TRPV3: variants seen among roughly 807,000 people sequenced by gnomAD.
The protein encoded by TRPV3 is VRL-3.
TRPV3 carries 88 observed loss-of-function variants against 87.1 expected under a neutral mutation model. That is an observed-to-expected ratio of 1.01 (90% confidence interval 0.85 to 1.21). TRPV3 has a LOEUF of 1.21. TRPV3 is among the 50% of genes most tolerant of loss of function. The probability of loss-of-function intolerance (pLI) is 0.00; values close to 1 mark genes in which losing one functional copy is unlikely to be tolerated. For synonymous variants in TRPV3, 438 were observed against 423.3 expected, an observed-to-expected ratio of 1.03 and a Z score of -0.43; for missense variants, 1,054 against 1,030.1, an observed-to-expected ratio of 1.02 and a Z score of -0.32.
At position 3,530,089 on chromosome 17, in the gene TRPV3, T is replaced by C. The variant is rs2074335373; in HGVS notation, c.1180A>G (p.Asn394Asp). 6.2e-7 allele frequency: 1 copy of C among 1,614,036 alleles called. No homozygotes were observed. Among genetic ancestry groups the C allele is most frequent in the Non-Finnish European group, 8.5e-7 (1 of 1,179,962 alleles). ...GAGTTGTCCGTGGTGGTGTCCACGT[T>C]GGTGAGGTCGTAGAGGGAGGATGAC... ...PVSSSLYDLT[N>D]VDTTTDNSVL... The change falls in exon 9 of 18, where the codon AAC becomes GAC. Residue 394 changes from asparagine (N) to aspartate (D), a missense_variant. Physicochemically the swap from Asn to Asp is conservative, Grantham distance 23. Transcript: ENST00000576742. The surrounding 1 kb of genome is among the most constrained non-coding windows in gnomAD (Gnocchi z 4.0).
intron 8 of TRPV3, among the ~76,000 whole-genome samples, chr17:3,532,445 G>T (rs1490654087): frequency 2.6e-5 from 4 of 152,272 alleles, no homozygotes; most frequent in African/African-American, 4.8e-5. Flanking sequence ...GAAGTCTAGA[G>T]AGTGGGCTGC....
At chr17:3,522,144 G>A (rs553669613) in intron 13 of TRPV3, among the ~76,000 whole-genome samples, 7 of 152,114 alleles carry the variant, frequency 4.6e-5, no homozygotes, top group East Asian at 1.9e-4. Flanking sequence ...ACTCATCCCC[G>A]TCCAGTTATT....
At chr17:3,539,997 C>A (rs1189247553) in intron 6 of TRPV3, among the ~76,000 whole-genome samples, 2 of 150,992 alleles carry the variant, frequency 1.3e-5, no homozygotes, top group South Asian at 2.1e-4. Flanking sequence ...ATCACCTGAA[C>A]CCGGGAGGCA....
chr17:3,527,712 T>C, intron 11 of TRPV3: 1 of 400,276 alleles, frequency 2.5e-6, no homozygotes. Flanking sequence ...GATGAATGAG[T>C]GGCTGGGTCC....
rs934772956 is a variant in TRPV3, at chr17:3,513,193, A to G, written c.*724T>C. On this transcript the variant is annotated 3_prime_UTR_variant, in exon 18 of 18. Coordinates refer to ENST00000576742, the MANE Select transcript of TRPV3 (RefSeq NM_145068.4). ...CTCCACTTTTAAAATCACAAACTTC[A>G]TTGTAGTAATTTTCATTCTCAACTG... 1.3e-5 allele frequency: 2 copies of G among 152,606 alleles called. No homozygotes were observed. The highest frequency in any genetic ancestry group is 6.5e-5 in the Admixed American group (1 of 15,280). The allele number at this position is 152,606 out of a possible 1,614,324, so 9.5% of individuals were successfully genotyped here. A position where few individuals can be genotyped will look rare whatever the true frequency, so the allele number is the denominator to read the frequency against.
At chr17:3,514,454 TG>T in intron 17 of TRPV3, 138 bp downstream of exon 17, 1 of 655,104 alleles carries the variant, frequency 1.5e-6, no homozygotes. Context: ...AAGTCAGAGC[TG>T]GAAGAGACCT....
In TRPV3 at chr17:3,551,867, A is replaced by ATTTTTTTTTT. The variant is rs2074577917; in HGVS notation, c.119+2864_119+2865insAAAAAAAAAA. On this transcript the variant is annotated intron_variant, in intron 2 of 17. Transcript: ENST00000576742. Reference sequence around the variant, plus strand: ...TGCCCTCTTTCTTCACCTGTAATTTATTCTTTTTTTTTTTTTTTTTTTTTT... The same window carrying ATTTTTTTTTT: ...TGCCCTCTTTCTTCACCTGTAATTTATTTTTTTTTTTTCTTTTTTTTTTTTTTTTTTTTTT... Among the ~76,000 whole-genome samples the ATTTTTTTTTT allele has an allele frequency of 2.9e-4, 7 of 23,998 alleles. 1 individual carries two copies. The highest frequency in any genetic ancestry group is 7.1e-4 in the Non-Finnish European group (6 of 8,394). 15.7% of individuals were successfully genotyped at this position (23,998 alleles called of 152,430 possible). A position where few individuals can be genotyped will look rare whatever the true frequency, so the allele number is the denominator to read the frequency against.
Position 3,536,647 on chromosome 17 carries a change from C to A in TRPV3, c.644-934G>T, listed in dbSNP as rs185224468. Among the ~76,000 whole-genome samples, 46 of 152,184 alleles carry A rather than the reference C, an allele frequency of 3.0e-4. No individual in the cohort carries two copies. In the East Asian group the frequency reaches 6.8e-3, roughly 22 times the overall value. On this transcript the variant is annotated intron_variant, in intron 6 of 17. Coordinates refer to ENST00000576742, the MANE Select transcript of TRPV3 (RefSeq NM_145068.4). ...GCCTGGACTAAGGGGAGTTGGAGGG[C>A]ACATGAAGGGTGGAGAAAGGAGGAA...
Position 3,530,285 on chromosome 17 carries a change from G to GTCCA in TRPV3, c.1066-83_1066-82insTGGA. The GTCCA allele has an allele frequency of 4.9e-6, 7 of 1,437,770 alleles. No individual in the cohort carries two copies. The highest frequency in any genetic ancestry group is 2.8e-5 in the South Asian group (2 of 71,222). The allele number at this position is 1,437,770 out of a possible 1,614,324, so 89.1% of individuals were successfully genotyped here. ...GGCTGGACCAGCCAGAGGCTGGCTG[G>GTCCA]GCCCAGGGGATACACCCGCCCAGAA... On this transcript the variant is annotated intron_variant, in intron 8 of 17. Transcript: ENST00000576742. This position sits in a 1 kb window ranked among gnomAD's most constrained non-coding sequence, Gnocchi z 4.0.
At chr17:3,554,553 A>G (rs983344044) in intron 2 of TRPV3, 179 bp downstream of exon 2, 28 of 550,460 alleles carry the variant, frequency 5.1e-5, no homozygotes, top group Non-Finnish European at 9.0e-5. Context: ...CAGCCCCCTG[A>G]GTGTGCTGTG....
Position 3,556,115 on chromosome 17 carries a change from T to C in TRPV3, c.-2-1263A>G, listed in dbSNP as rs1288093520. On this transcript the variant is annotated intron_variant, in intron 1 of 17. Coordinates refer to ENST00000576742, the MANE Select transcript of TRPV3 (RefSeq NM_145068.4). The surrounding 1 kb of genome is among the most constrained non-coding windows in gnomAD (Gnocchi z 4.2). The stretch of plus-strand genomic sequence containing the variant: ...TCACTTGAATCCAGGAGGCAGAGGT[T>C]GGATTGAGCCGAGATTGTGCCACTG... Among the ~76,000 whole-genome samples the C allele has an allele frequency of 6.7e-6, 1 of 149,718 alleles. No individual in the cohort carries two copies.
chr17:3,546,814 C>CA (rs35205703), intron 2 of TRPV3: 108,244 of 363,980 alleles, frequency 0.3, 17,763 homozygotes, highest in Non-Finnish European at 0.35. Flanking sequence ...ACTAAACATA[C>CA]AAAATTAGCT....
rs2074144644 is a variant in TRPV3 at position 3,513,825 on chromosome 17, TCCA to T, written c.*89_*91del. ...TGCTTCTAGGCCAGCAGAGCCGGAC[TCCA>T]CCATCCCTCAAAGCCTCTCTGCACA... On this transcript the variant is annotated 3_prime_UTR_variant, in exon 18 of 18. Coordinates refer to ENST00000576742, the MANE Select transcript of TRPV3 (RefSeq NM_145068.4). The T allele has an allele frequency of 6.4e-6, 7 of 1,099,656 alleles. No individual in the cohort carries two copies. Among genetic ancestry groups the T allele is most frequent in the Non-Finnish European group, 9.6e-6 (7 of 731,818 alleles). The allele number at this position is 1,099,656 out of a possible 1,614,324, so 68.1% of individuals were successfully genotyped here.
intron 5 of TRPV3, among the ~76,000 whole-genome samples, chr17:3,543,012 C>A (rs2074483105): frequency 6.6e-6 from 1 of 151,966 alleles, no homozygotes; most frequent in Non-Finnish European, 1.5e-5. Context: ...CTCCTCGTGG[C>A]CTGCAAATAA....
chr17:3,527,779 C>T, intron 11 of TRPV3: 1 of 533,344 alleles, frequency 1.9e-6, no homozygotes, highest in Admixed American at 3.2e-5. Context: ...ACAAGGGACA[C>T]TGAGTGGCTG....
chr17:3,535,086 T>C (rs749957877), intron 7 of TRPV3, among the ~76,000 whole-genome samples: 1 of 151,862 alleles, frequency 6.6e-6, no homozygotes, highest in Non-Finnish European at 1.5e-5. Flanking sequence ...CCAGAGCTTC[T>C]TAAGGCAGGG....
At position 3,532,872 on chromosome 17, in the gene TRPV3, G is replaced by T. The variant is rs749415555; in HGVS notation, c.850C>A (p.His284Asn). 6.2e-7 allele frequency: 1 copy of T among 1,614,210 alleles called. No individual in the cohort carries two copies. Among genetic ancestry groups the T allele is most frequent in the Non-Finnish European group, 8.5e-7 (1 of 1,180,028 alleles). The change falls in exon 8 of 18, where the codon CAC becomes AAC. Residue 284 changes from histidine to asparagine, a missense_variant. Coordinates refer to ENST00000576742, the MANE Select transcript of TRPV3 (RefSeq NM_145068.4). ...QPEIVQLLME[H>N]EQTDITSRDS... is the part of the protein sequence containing the mutation. ...CGCGAGGTGATGTCCGTCTGCTCGT[G>T]CTCCATCAGCAGCTGCACAATCTCG...
At chr17:3,535,243 C>CTTCCTCCTCCTCCCTCT (rs1234429058) in intron 7 of TRPV3, among the ~76,000 whole-genome samples, 1 of 109,392 alleles carries the variant, frequency 9.1e-6, no homozygotes, top group Admixed American at 8.7e-5. Flanking sequence ...TCCCTCCCTC[C>CTTCCTCCTCCTCCCTCT]CCCTCCTTAC....
intron 2 of TRPV3, among the ~76,000 whole-genome samples, chr17:3,550,819 C>T (rs780626498): frequency 1.2e-4 from 18 of 152,228 alleles, no homozygotes; most frequent in African/African-American, 2.6e-4. Flanking sequence ...CCACCGCACC[C>T]GGCCTCCTGC....
Sources: allele counts gnomAD v4.1 joint callset (sites outside exome capture counted in the v4.1 genomes callset), GRCh38; gene constraint gnomAD v4.1.1; non-coding constraint Gnocchi (gnomAD v3.1); transcripts MANE v1.5; gene names NCBI Gene and HGNC (gene_info 2026-07-23, HGNC 2026-07-21).